NTM: variants seen among roughly 807,000 people sequenced by gnomAD.
The protein encoded by NTM is neurotrimin, also known as IgLON family member 2.
Under a neutral mutation model 42.1 loss-of-function variants are expected in NTM, and 13 were observed. The ratio of observed to expected loss-of-function variants is 0.31; its 90% CI spans 0.20 to 0.49. The LOEUF (loss-of-function observed/expected upper bound fraction) is 0.49. Ranked by LOEUF, NTM falls within the 20% of genes least tolerant of loss-of-function variation. The probability of loss-of-function intolerance (pLI) is 0.99; values close to 1 mark genes in which losing one functional copy is unlikely to be tolerated. For synonymous variants in NTM, 187 were observed against 179.2 expected (o/e 1.04, Z -0.35); for missense variants, 373 against 452.8 (o/e 0.82, Z 1.60).
chr11:131,779,921 A>C (rs896361383), intron 1 of NTM, among the ~76,000 whole-genome samples: 1 of 152,182 alleles, frequency 6.6e-6, no homozygotes, highest in Non-Finnish European at 1.5e-5. Flanking sequence ...AGTGTCATCC[A>C]AGGGGGAACA....
chr11:131,452,054 C>T (rs1285540243), intron 1 of NTM, among the ~76,000 whole-genome samples: 1 of 152,232 alleles, frequency 6.6e-6, no homozygotes. Context: ...CCTCTCCTCA[C>T]CTGATCAGAG....
At chr11:132,253,329 G>C (rs186216189) in intron 4 of NTM, among the ~76,000 whole-genome samples, 7 of 152,164 alleles carry the variant, frequency 4.6e-5, no homozygotes, top group Non-Finnish European at 7.3e-5. Flanking sequence ...AAAATTGAGA[G>C]TCGGGCTTAT....
At chr11:131,891,287 G>A (rs552270648) in intron 1 of NTM, among the ~76,000 whole-genome samples, 2 of 152,250 alleles carry the variant, frequency 1.3e-5, no homozygotes, top group East Asian at 3.9e-4. Context: ...CAAAAGACAG[G>A]ACTCCATGGA....
chr11:132,124,278 G>C (rs192275705), intron 2 of NTM, among the ~76,000 whole-genome samples: 2,013 of 152,114 alleles, frequency 0.013, 25 homozygotes, highest in Non-Finnish European at 0.02. Flanking sequence ...CAGCCCCTGG[G>C]GCCCTGCCCT....
intron 1 of NTM, among the ~76,000 whole-genome samples, chr11:131,617,725 T>G (rs2137611801): frequency 6.6e-6 from 1 of 152,322 alleles, no homozygotes; most frequent in South Asian, 2.1e-4. Flanking sequence ...CTCCACCAAT[T>G]TTCAGCTTCC....
At chr11:131,525,862 C>A (rs754229393) in intron 1 of NTM, among the ~76,000 whole-genome samples, 34 of 150,216 alleles carry the variant, frequency 2.3e-4, no homozygotes, top group Non-Finnish European at 3.5e-4. Context: ...TGTGTGTGTG[C>A]ATGTATATAT....
At chr11:132,169,737 A>C (rs922242072) in intron 3 of NTM, among the ~76,000 whole-genome samples, 2 of 152,168 alleles carry the variant, frequency 1.3e-5, no homozygotes, top group Non-Finnish European at 2.9e-5. Context: ...GACAAGCATG[A>C]GAAAAGAAAT....
In NTM at chr11:131,558,571, C is replaced by G. The variant is rs772763814; in HGVS notation, c.82+187683C>G. Among the ~76,000 whole-genome samples the G allele has an allele frequency of 2.0e-5, 3 of 152,078 alleles. No homozygotes were observed. In the South Asian group the frequency reaches 6.2e-4, roughly 31 times the overall value. On this transcript the variant is annotated intron_variant, in intron 1 of 8. Transcript: ENST00000683400. ...GGATTTCCTACCTTTTTGGTATACG[C>G]GCATTCTATATTAAAACAGCTCCAA...
chr11:132,318,035 G>A (rs2095475626), intron 7 of NTM, among the ~76,000 whole-genome samples: 1 of 152,180 alleles, frequency 6.6e-6, no homozygotes, highest in Non-Finnish European at 1.5e-5. Flanking sequence ...TTCATAAAAA[G>A]GGTCTTATTG....
chr11:131,585,389 G>A (rs1274316900), intron 1 of NTM, among the ~76,000 whole-genome samples: 2 of 152,174 alleles, frequency 1.3e-5, no homozygotes, highest in Admixed American at 6.5e-5. Context: ...TTTGGTGGGA[G>A]GAAGTTCACC....
intron 1 of NTM, among the ~76,000 whole-genome samples, chr11:131,543,039 A>G (rs1304768220): frequency 1.3e-5 from 2 of 152,176 alleles, no homozygotes; most frequent in South Asian, 2.1e-4. Flanking sequence ...GTTGCCAGTT[A>G]CGCTGCCTCC....
intron 2 of NTM, among the ~76,000 whole-genome samples, chr11:131,953,709 G>A (rs2061267084): frequency 1.3e-5 from 2 of 152,122 alleles, no homozygotes; most frequent in South Asian, 4.1e-4. Context: ...TCAGGCTTCT[G>A]TAGAGCATCA....
At chr11:132,041,396 T>G (rs187167552) in intron 2 of NTM, among the ~76,000 whole-genome samples, 7 of 152,306 alleles carry the variant, frequency 4.6e-5, no homozygotes, top group Admixed American at 3.3e-4. Context: ...AAGTGAAGAA[T>G]GTTTATGAGA....
rs1241598333 is a variant in NTM at position 131,500,740 on chromosome 11, C to G, written c.82+129852C>G. The stretch of plus-strand genomic sequence containing the variant: ...CTAATGCTATCCCTCCCCCCTCCCC[C>G]CACCCCACAACAGGCCTCGGTGTAT... On this transcript the variant is annotated intron_variant, in intron 1 of 8. Coordinates refer to ENST00000683400, the MANE Select transcript of NTM (RefSeq NM_001352005.2). 6.4e-5 allele frequency among the ~76,000 whole-genome samples: 6 copies of G among 93,038 alleles called. No individual in the cohort carries two copies. In the South Asian group the frequency reaches 1.6e-3, roughly 25 times the overall value. 61.0% of individuals were successfully genotyped at this position (93,038 alleles called of 152,430 possible). A position where few individuals can be genotyped will look rare whatever the true frequency, so the allele number is the denominator to read the frequency against.
chr11:132,245,083 T>C (rs2090897881), intron 4 of NTM, among the ~76,000 whole-genome samples: 1 of 152,202 alleles, frequency 6.6e-6, no homozygotes, highest in Admixed American at 6.5e-5. Context: ...GAATATTAAG[T>C]GCACTGAAGC....
chr11:131,371,952 A>G (rs1259673920), intron 1 of NTM, among the ~76,000 whole-genome samples: 4 of 152,170 alleles, frequency 2.6e-5, no homozygotes, highest in African/African-American at 7.2e-5. Context: ...GTATTCCCAG[A>G]GGAAAGTTCC....
intron 2 of NTM, among the ~76,000 whole-genome samples, chr11:132,004,640 A>T (rs1300774903): frequency 5.5e-5 from 8 of 145,182 alleles, no homozygotes; most frequent in Non-Finnish European, 1.2e-4. Context: ...TCTCTCACAC[A>T]CACACACACA....
intron 1 of NTM, among the ~76,000 whole-genome samples, chr11:131,527,597 T>C (rs1197757183): frequency 1.3e-5 from 2 of 152,180 alleles, no homozygotes; most frequent in East Asian, 3.9e-4. Flanking sequence ...TGAATTTGCT[T>C]CCCAAGACCC....
chr11:131,862,565 A>G (rs1246373473), intron 1 of NTM, among the ~76,000 whole-genome samples: 1 of 152,150 alleles, frequency 6.6e-6, no homozygotes, highest in Non-Finnish European at 1.5e-5. Context: ...TTTTTGTTTG[A>G]TGGTAAGGTT....
Sources: allele counts gnomAD v4.1 joint callset (sites outside exome capture counted in the v4.1 genomes callset), GRCh38; gene constraint gnomAD v4.1.1; transcripts MANE v1.5; gene names NCBI Gene and HGNC (gene_info 2026-07-23, HGNC 2026-07-21).